BLM: variants seen among roughly 807,000 people sequenced by gnomAD.
The protein encoded by BLM is recQ-like DNA helicase BLM.
In BLM, 95 loss-of-function variants were observed where a neutral mutation model predicts 135.3. The ratio of observed to expected loss-of-function variants is 0.70; its 90% CI spans 0.59 to 0.83. The LOEUF is 0.83. BLM is among the 40% of genes least tolerant of loss of function. The pLI is 0.00. For missense variants in BLM, 1,518 were observed against 1,663.9 expected, an observed-to-expected ratio of 0.91 and a Z score of 1.53; for synonymous variants, 520 against 589.2, an observed-to-expected ratio of 0.88 and a Z score of 1.70.
At position 90,815,421 on chromosome 15, in the gene BLM, T is replaced by C. The variant is rs1040068612; in HGVS notation, c.*142T>C. On this transcript the variant is annotated 3_prime_UTR_variant, in exon 22 of 22. Transcript: ENST00000355112. This position sits in a 1 kb window ranked among gnomAD's most constrained non-coding sequence, Gnocchi z 4.6. ...TATTTAAATAAATGCTGGGGGGTGA[T>C]AGTTCTTCTTTTTAAAATAAACATT... 8.5e-5 allele frequency: 76 copies of C among 896,794 alleles called. No individual in the cohort carries two copies. Among genetic ancestry groups the C allele is most frequent in the Admixed American group, 4.4e-4 (16 of 35,994 alleles). 55.6% of individuals were successfully genotyped at this position (896,794 alleles called of 1,614,324 possible).
At chr15:90,774,569 C>T (rs1272409309) in intron 12 of BLM, among the ~76,000 whole-genome samples, 1 of 150,928 alleles carries the variant, frequency 6.6e-6, no homozygotes, top group Non-Finnish European at 1.5e-5. Context: ...CTCGGTGGCT[C>T]ATGCCTGTAA....
chr15:90,747,704 A>G (rs1338959384), intron 2 of BLM: 3 of 487,932 alleles, frequency 6.1e-6, no homozygotes, highest in African/African-American at 3.9e-5. Flanking sequence ...GGCACATAAT[A>G]TTTGCTCAAT....
chr15:90,733,208 G>A (rs1267110270), intron 1 of BLM, among the ~76,000 whole-genome samples: 1 of 152,172 alleles, frequency 6.6e-6, no homozygotes. Flanking sequence ...AGTAACCACT[G>A]ACACAGGATA....
intron 9 of BLM, among the ~76,000 whole-genome samples, chr15:90,766,461 T>C (rs1351294379): frequency 6.6e-6 from 1 of 152,186 alleles, no homozygotes; most frequent in Non-Finnish European, 1.5e-5. Context: ...ACAGTCTTGT[T>C]CTGTTGCCCA....
At position 90,760,255 on chromosome 15, in the gene BLM, A is replaced by T; in HGVS notation, c.1196A>T (p.Glu399Val). 1 of 1,614,144 alleles carries T rather than the reference A, an allele frequency of 6.2e-7. No homozygotes were observed. Among genetic ancestry groups the T allele is most frequent in the Non-Finnish European group, 8.5e-7 (1 of 1,180,014 alleles). The change falls in exon 6 of 22, where the codon GAA becomes GTA. Residue 399 changes from glutamate (E) to valine (V), a missense_variant. Around this residue, in one of 5 missense-constraint regions of BLM, gnomAD observed 724 missense variants for 756.9 expected, o/e 0.96. Transcript: ENST00000355112. The stretch of plus-strand genomic sequence containing the variant: ...CTGAAACTTTTGGATTGTGGGAACG[A>T]ACTGCTTCAGCAGCGGAACATAAGG... ...DKLKLLDCGN[E>V]LLQQRNIRRK...
chr15:90,804,027 C>A, intron 18 of BLM, 140 bp from the exon 19 acceptor site: 1 of 792,592 alleles, frequency 1.3e-6, no homozygotes. Context: ...GAATGCACAG[C>A]CCCTGTTCCC....
At chr15:90,801,801 A>C (rs551713437) in intron 17 of BLM, among the ~76,000 whole-genome samples, 3 of 152,308 alleles carry the variant, frequency 2.0e-5, no homozygotes, top group Admixed American at 6.5e-5. Flanking sequence ...CATGTCTGTA[A>C]TTCCAGCACT....
chr15:90,725,045 G>T (rs534447019), intron 1 of BLM, among the ~76,000 whole-genome samples: 12 of 152,198 alleles, frequency 7.9e-5, no homozygotes, highest in Non-Finnish European at 1.8e-4. Context: ...AATAGCTGGG[G>T]TTATAGGTGT....
chr15:90,724,168 A>G (rs997600886), intron 1 of BLM, among the ~76,000 whole-genome samples: 1 of 151,624 alleles, frequency 6.6e-6, no homozygotes, highest in African/African-American at 2.4e-5. Context: ...GTGTACCACC[A>G]TGCTTGGCTA....
intron 21 of BLM, among the ~76,000 whole-genome samples, chr15:90,812,889 A>G (rs1232549083): frequency 1.3e-5 from 2 of 152,224 alleles, no homozygotes; most frequent in East Asian, 3.8e-4. Context: ...TTGAGTGCGC[A>G]AGTGATCAGT....
intron 21 of BLM, among the ~76,000 whole-genome samples, chr15:90,813,815 G>C (rs1193158434): frequency 3.3e-5 from 5 of 152,140 alleles, no homozygotes; most frequent in African/African-American, 4.8e-5. Context: ...CCCGGATTGA[G>C]AGTCCCTGTG....
At chr15:90,813,048 C>T (rs1253797402) in intron 21 of BLM, among the ~76,000 whole-genome samples, 5 of 152,282 alleles carry the variant, frequency 3.3e-5, no homozygotes, top group Non-Finnish European at 2.9e-5. Context: ...GAAGCTTAGG[C>T]CTGGCCTGGG....
At chr15:90,759,063 T>C (rs1412663914) in intron 5 of BLM, among the ~76,000 whole-genome samples, 1 of 152,214 alleles carries the variant, frequency 6.6e-6, no homozygotes, top group Non-Finnish European at 1.5e-5. Flanking sequence ...GATAAACCTT[T>C]GTTCCAGCCA....
At chr15:90,725,134 C>G (rs1894876157) in intron 1 of BLM, among the ~76,000 whole-genome samples, 1 of 152,124 alleles carries the variant, frequency 6.6e-6, no homozygotes, top group Non-Finnish European at 1.5e-5. Context: ...GTCTCAAACT[C>G]CTGACCTCAG....
intron 3 of BLM, among the ~76,000 whole-genome samples, chr15:90,750,853 G>A (rs537416770): frequency 6.6e-6 from 1 of 152,170 alleles, no homozygotes; most frequent in Non-Finnish European, 1.5e-5. Context: ...AGTACTTATC[G>A]GGTTTGATAC....
rs116760872 is a variant in BLM at position 90,768,307 on chromosome 15, A to G, written c.2308-826A>G. ...TTTATTCAATGAGTTACATTCAATT[A>G]TCAAGTATTTTGATGTTCTAATTGT... On this transcript the variant is annotated intron_variant, in intron 10 of 21. Coordinates refer to ENST00000355112, the MANE Select transcript of BLM (RefSeq NM_000057.4). Among the ~76,000 whole-genome samples, 473 of 152,288 alleles carry G rather than the reference A, an allele frequency of 3.1e-3. 1 individual carries two copies. The highest frequency in any genetic ancestry group is 0.011 in the African/African-American group (455 of 41,566).
At chr15:90,772,449 G>A (rs185221779) in intron 12 of BLM, among the ~76,000 whole-genome samples, 2 of 152,316 alleles carry the variant, frequency 1.3e-5, no homozygotes, top group South Asian at 2.1e-4. Context: ...TACTCAGTGT[G>A]CCAGGCACTG....
chr15:90,759,461 C>T (rs534239908), intron 5 of BLM, among the ~76,000 whole-genome samples: 1 of 151,700 alleles, frequency 6.6e-6, no homozygotes, highest in South Asian at 2.1e-4. Flanking sequence ...GGCACAGTGG[C>T]ATAGGCCTGT....
intron 1 of BLM, among the ~76,000 whole-genome samples, chr15:90,745,795 C>T (rs1895486225): frequency 1.3e-5 from 2 of 152,092 alleles, no homozygotes; most frequent in Admixed American, 6.5e-5. Context: ...AGTCTTACAG[C>T]TGGCTACGCA....
Sources: gnomAD v4.1 joint callset for allele counts (sites outside exome capture counted in the v4.1 genomes callset) on GRCh38, gnomAD v4.1.1 for gene constraint, gnomAD v4.1.1 regional missense constraint, Gnocchi (gnomAD v3.1) non-coding constraint, MANE v1.5 for transcripts, NCBI Gene and HGNC (gene_info 2026-07-23, HGNC 2026-07-21) for gene names.